The following ZC3HAV1L variants were observed in gnomAD, a reference collection of about 807,000 sequenced individuals.
ZC3HAV1L encodes the protein ZC3HAV1 like, also known as zinc finger CCCH-type antiviral protein 1-like.
A neutral mutation model predicts 28.2 loss-of-function variants in ZC3HAV1L; 23 were observed. That is an observed-to-expected ratio of 0.82 (90% CI 0.59 to 1.16). The LOEUF (loss-of-function observed/expected upper bound fraction) is 1.16, where lower values mean the gene tolerates loss of function less well. Among genes scored for constraint, ZC3HAV1L ranks in the 50% most tolerant of loss-of-function variants. The pLI is 0.00. For missense variants in ZC3HAV1L, 376 were observed against 387.7 expected, an observed-to-expected ratio of 0.97 and a Z score of 0.25; for synonymous variants, 180 against 163.4, an observed-to-expected ratio of 1.10 and a Z score of -0.78.
intron 3 of ZC3HAV1L, among the ~76,000 whole-genome samples, chr7:139,028,379 AAAAACAAAAAC>A (rs1815418082): frequency 6.6e-6 from 1 of 150,962 alleles, no homozygotes. Context: ...TCTCAAAAAA[AAAAACAAAAAC>A]AAAACCTGTT....
chr7:139,030,795 G>A (rs1048288965), intron 2 of ZC3HAV1L, among the ~76,000 whole-genome samples: 28 of 151,832 alleles, frequency 1.8e-4, no homozygotes, highest in Non-Finnish European at 3.4e-4. Flanking sequence ...CTCCAGGCTG[G>A]ACGACAGAGT....
At chr7:139,022,991 A>G (rs1395575799), downstream of ZC3HAV1L, among the ~76,000 whole-genome samples, 2 of 152,126 alleles carry the variant, frequency 1.3e-5, no homozygotes, top group Non-Finnish European at 2.9e-5. Flanking sequence ...CCTGGCCAAC[A>G]TGGTGAAACC....
intron 3 of ZC3HAV1L, among the ~76,000 whole-genome samples, chr7:139,028,384 C>A (rs7787459): frequency 0.48 from 64,481 of 134,798 alleles, 16,541 homozygotes; most frequent in African/African-American, 0.52. Flanking sequence ...AAAAAAAAAA[C>A]AAAAACAAAA....
intron 2 of ZC3HAV1L, among the ~76,000 whole-genome samples, chr7:139,031,572 C>A (rs530615302): frequency 5.0e-4 from 75 of 151,368 alleles, no homozygotes; most frequent in Non-Finnish European, 8.4e-4. Flanking sequence ...GGCGACAGAG[C>A]AAGACTCTGT....
At chr7:139,034,821 A>G (rs1040021142) in intron 1 of ZC3HAV1L, 143 bp from the exon 2 acceptor site, 2 of 1,403,160 alleles carry the variant, frequency 1.4e-6, no homozygotes, top group African/African-American at 2.9e-5. Flanking sequence ...TGGCCTAATA[A>G]GCACTGATGG....
At chr7:139,025,257 T>G (rs1168492230), downstream of ZC3HAV1L, among the ~76,000 whole-genome samples, 1 of 152,162 alleles carries the variant, frequency 6.6e-6, no homozygotes, top group Non-Finnish European at 1.5e-5. Context: ...GAGACCAGCC[T>G]GGCCAACATG....
At position 139,028,937 on chromosome 7, in the gene ZC3HAV1L, C is replaced by T. The variant is rs1815440970; in HGVS notation, c.525G>A (p.Gly175=). 6.2e-7 allele frequency: 1 copy of T among 1,614,032 alleles called. No individual in the cohort carries two copies. The highest frequency in any genetic ancestry group is 1.1e-5 in the South Asian group (1 of 91,056). ...GGTTGCAGTAGCCATACAGGGCTTC[C>T]CCTTTGTTGTAGAGCAAACAGACCT... The part of the protein sequence containing the change: ...LPEVCLLYNK[G]EALYGYCNLK... The change falls in exon 3 of 5, where the codon GGG becomes GGA. Residue 175 remains glycine (G), a synonymous_variant. Transcript: ENST00000275766.
chr7:139,035,703 C>T lies in ZC3HAV1L; in HGVS notation c.315G>A (p.Leu105=). The change falls in exon 1 of 5, where the codon CTG becomes CTA. Residue 105 remains leucine (L), a synonymous_variant. Coordinates refer to ENST00000275766, the MANE Select transcript of ZC3HAV1L (RefSeq NM_080660.4). The stretch of plus-strand genomic sequence containing the variant: ...CCAGCATGTGCCGGCGGCAGAAGTG[C>T]AGCTGGTCGCAGGCCTGGCACTCGC... ...QRGECQACDQ[L]HFCRRHMLGK... 1.3e-6 allele frequency: 2 copies of T among 1,483,420 alleles called. No homozygotes were observed. Among genetic ancestry groups the T allele is most frequent in the East Asian group, 2.9e-5 (1 of 34,548 alleles). 91.9% of individuals were successfully genotyped at this position (1,483,420 alleles called of 1,614,324 possible).
intron 1 of ZC3HAV1L, chr7:139,035,122 T>A: frequency 1.0e-6 from 1 of 985,412 alleles, no homozygotes; most frequent in East Asian, 1.1e-4. Flanking sequence ...GAACCCCAGC[T>A]CTGGCAGTCA....
At chr7:139,029,023 G>A (rs1157447427) in intron 2 of ZC3HAV1L, 63 bp from the exon 3 acceptor site, 25 of 1,532,478 alleles carry the variant, frequency 1.6e-5, no homozygotes, top group Non-Finnish European at 1.9e-5. Context: ...GCAGCGGGGA[G>A]ATGGAGTCTC....
In ZC3HAV1L at chr7:139,031,938, G is replaced by A. The variant is rs544918050; in HGVS notation, c.501+2605C>T. 5.3e-5 allele frequency among the ~76,000 whole-genome samples: 8 copies of A among 151,962 alleles called. No homozygotes were observed. In the South Asian group the frequency reaches 1.0e-3, roughly 20 times the overall value. On this transcript the variant is annotated intron_variant, in intron 2 of 4. Coordinates refer to ENST00000275766, the MANE Select transcript of ZC3HAV1L (RefSeq NM_080660.4). ...AAAACAAAAAAAAGTAGCTGGGTGCGGTGGTGTACACCTGCAGTCCCAGCT... is the reference window on the plus strand; with the variant it reads ...AAAACAAAAAAAAGTAGCTGGGTGCAGTGGTGTACACCTGCAGTCCCAGCT...
At position 139,031,249 on chromosome 7, in the gene ZC3HAV1L, A is replaced by G. The variant is rs186434652; in HGVS notation, c.502-2289T>C. Among the ~76,000 whole-genome samples, 5 of 152,194 alleles carry G rather than the reference A, an allele frequency of 3.3e-5. No homozygotes were observed. The East Asian group carries it at 9.7e-4, about 29-fold the overall frequency. On this transcript the variant is annotated intron_variant, in intron 2 of 4. Coordinates refer to ENST00000275766, the MANE Select transcript of ZC3HAV1L (RefSeq NM_080660.4). ...AATTGCTTGAGCCAAGGAGTTCAAG[A>G]CCAGCCTAGGCAACACAGCAAGACT... is the stretch of plus-strand genomic sequence containing the variant.
chr7:139,031,667 G>A (rs2130634214), intron 2 of ZC3HAV1L, among the ~76,000 whole-genome samples: 1 of 152,306 alleles, frequency 6.6e-6, no homozygotes, highest in East Asian at 1.9e-4. Context: ...CACTTTGGGA[G>A]GCCAAGGTGG....
rs1246089521 is a variant in ZC3HAV1L at position 139,026,001 on chromosome 7, G to C, written c.*543C>G. On this transcript the variant is annotated 3_prime_UTR_variant, in exon 5 of 5. Coordinates refer to ENST00000275766, the MANE Select transcript of ZC3HAV1L (RefSeq NM_080660.4). Reference sequence around the variant, plus strand: ...AAAATACAAAAAATTAGCTGGTCGTGGTGCATACCTGTAGTCCCAGCTACT... The same window carrying C: ...AAAATACAAAAAATTAGCTGGTCGTCGTGCATACCTGTAGTCCCAGCTACT... 6.6e-6 allele frequency: 1 copy of C among 151,840 alleles called. No homozygotes were observed. The highest frequency in any genetic ancestry group is 1.5e-5 in the Non-Finnish European group (1 of 68,118). 9.4% of individuals were successfully genotyped at this position (151,840 alleles called of 1,614,324 possible).
At chr7:139,025,462 AAG>A (rs1554435726), downstream of ZC3HAV1L, among the ~76,000 whole-genome samples, 1 of 151,568 alleles carries the variant, frequency 6.6e-6, no homozygotes, top group African/African-American at 2.4e-5. Context: ...AAAAAAAAAA[AAG>A]AGTAGACAGA....
chr7:139,032,978 C>G (rs889804603), intron 2 of ZC3HAV1L, among the ~76,000 whole-genome samples: 1 of 152,124 alleles, frequency 6.6e-6, no homozygotes, highest in African/African-American at 2.4e-5. Flanking sequence ...GAGGCTGAGG[C>G]AGAGGGATCA....
chr7:139,021,812 AT>A (rs143831101), downstream of ZC3HAV1L, among the ~76,000 whole-genome samples: 2,686 of 152,242 alleles, frequency 0.018, 65 homozygotes, highest in African/African-American at 0.062. Context: ...TAATGAAAAA[AT>A]ATCAAAAAAA....
rs1191298709 is a variant in ZC3HAV1L, at chr7:139,034,673, G to A, written c.371C>T (p.Thr124Ile). ...GTGGATATCATGGGAAAGGGTACAG[G>A]TAGACCTAAAAGAACAAAGCCCTCG... ...GKCPNRDCWSTCTLSHDIHTP... is the reference protein window; with the variant it reads ...GKCPNRDCWSICTLSHDIHTP... The change falls in exon 2 of 5, where the codon ACC becomes ATC. Residue 124 changes from threonine to isoleucine, a missense_variant. By Grantham distance (89) the Thr-to-Ile change is moderately conservative. Transcript: ENST00000275766. 1 of 1,613,902 alleles carries A rather than the reference G, an allele frequency of 6.2e-7. No individual in the cohort carries two copies. Among genetic ancestry groups the A allele is most frequent in the Admixed American group, 1.7e-5 (1 of 60,010 alleles).
At chr7:139,034,863 C>A (rs535120692) in intron 1 of ZC3HAV1L, 185 bp from the exon 2 acceptor site, 1 of 985,450 alleles carries the variant, frequency 1.0e-6, no homozygotes, top group South Asian at 4.7e-5. Flanking sequence ...AGGAACTCCT[C>A]TCCCAGGGTC....
Sources: gnomAD v4.1 joint callset for allele counts (sites outside exome capture counted in the v4.1 genomes callset) on GRCh38, gnomAD v4.1.1 for gene constraint, MANE v1.5 for transcripts, NCBI Gene and HGNC (gene_info 2026-07-23, HGNC 2026-07-21) for gene names.